HERC1: variants seen among roughly 807,000 people sequenced by gnomAD.
HERC1 encodes probable E3 ubiquitin-protein ligase HERC1.
HERC1 carries 160 observed loss-of-function variants against 554.3 expected under a neutral mutation model. That is an observed-to-expected ratio of 0.29 (90% CI 0.25 to 0.33). The LOEUF is 0.33. HERC1 is among the 10% of genes least tolerant of loss of function. The pLI is 1.00. For synonymous variants in HERC1, 2,175 were observed against 2,131.7 expected, an observed-to-expected ratio of 1.02 and a Z score of -0.56; for missense variants, 4,919 against 5,918.5, an observed-to-expected ratio of 0.83 and a Z score of 5.54.
At chr15:63,635,209 G>C (rs561996797) in intron 65 of HERC1, among the ~76,000 whole-genome samples, 10 of 152,048 alleles carry the variant, frequency 6.6e-5, no homozygotes, top group African/African-American at 2.4e-4. Flanking sequence ...TACCACACCT[G>C]GCTATTTATT....
chr15:63,632,856 A>C, intron 67 of HERC1, 45 bp from the exon 68 acceptor site: 1 of 1,352,296 alleles, frequency 7.4e-7, no homozygotes, highest in Non-Finnish European at 1.0e-6. Context: ...GAAGAAAAAA[A>C]ATCACTCTTG....
chr15:63,714,592 C>T (rs764894239), intron 22 of HERC1, among the ~76,000 whole-genome samples: 6 of 145,196 alleles, frequency 4.1e-5, no homozygotes, highest in East Asian at 2.0e-4. Context: ...CTCTGTCGCC[C>T]GGGCTGGAGT....
At chr15:63,768,934 T>C (rs917612951) in intron 2 of HERC1, among the ~76,000 whole-genome samples, 5 of 152,196 alleles carry the variant, frequency 3.3e-5, no homozygotes, top group African/African-American at 1.2e-4. Flanking sequence ...ATTATGTATA[T>C]ATATATTGAG....
At position 63,628,788 on chromosome 15, in the gene HERC1, G is replaced by C; in HGVS notation, c.12994C>G (p.Arg4332Gly). ...AGACCTGTTACCAGGGTTGGTTCTC[G>C]AACATGGTTGGTATGGCCTAAGCCG... ...QLGLGHTNHV[R>G]EPTLVTGLQG... The change falls in exon 70 of 78, where the codon CGA (arginine) becomes GGA (glycine). Residue 4332 changes from arginine to glycine, a missense_variant. Around this residue, in one of 11 missense-constraint regions of HERC1, gnomAD observed 410 missense variants for 467.0 expected, o/e 0.88. Coordinates refer to ENST00000443617, the MANE Select transcript of HERC1 (RefSeq NM_003922.4). 1 of 1,613,890 alleles carries C rather than the reference G, an allele frequency of 6.2e-7. No homozygotes were observed. The highest frequency in any genetic ancestry group is 8.5e-7 in the Non-Finnish European group (1 of 1,179,848).
chr15:63,766,137 CTTA>C (rs1165429913), intron 2 of HERC1, among the ~76,000 whole-genome samples: 3 of 151,932 alleles, frequency 2.0e-5, no homozygotes, highest in Non-Finnish European at 4.4e-5. Flanking sequence ...ATTATTAAGG[CTTA>C]TTAACTATTA....
intron 66 of HERC1, among the ~76,000 whole-genome samples, chr15:63,634,377 A>G (rs1408564158): frequency 6.6e-6 from 1 of 152,248 alleles, no homozygotes; most frequent in Non-Finnish European, 1.5e-5. Context: ...AGTAGCTACC[A>G]GTGATGTTGC....
Position 63,643,451 on chromosome 15 carries a change from G to C in HERC1, c.11284C>G (p.Leu3762Val), listed in dbSNP as rs757120736. The C allele has an allele frequency of 1.2e-6, 2 of 1,613,310 alleles. No individual in the cohort carries two copies. The highest frequency in any genetic ancestry group is 1.7e-6 in the Non-Finnish European group (2 of 1,179,670). Residue 3762 changes from leucine to valine, a missense_variant, in exon 58 of 78, where the codon CTG becomes GTG. By Grantham distance (32) the Leu-to-Val change is conservative. Coordinates refer to ENST00000443617, the MANE Select transcript of HERC1 (RefSeq NM_003922.4). ...TVAFSSDGLA[L>V]VSGGLGGLMN... Reference sequence around the variant, plus strand: ...AGCCCACCTAGTCCACCAGACACCAGGGCCAACCCATCAGAACTAAAGGCA... The same window carrying C: ...AGCCCACCTAGTCCACCAGACACCACGGCCAACCCATCAGAACTAAAGGCA...
At position 63,718,289 on chromosome 15, in the gene HERC1, C is replaced by G. The variant is rs77106746; in HGVS notation, c.3978+285G>C. 0.036 allele frequency: 10,306 copies of G among 284,236 alleles called. 246 individuals carry two copies. The highest frequency in any genetic ancestry group is 0.11 in the Middle Eastern group (101 of 888). 17.6% of individuals were successfully genotyped at this position (284,236 alleles called of 1,614,324 possible). A position where few individuals can be genotyped will look rare whatever the true frequency, so the allele number is the denominator to read the frequency against. On this transcript the variant is annotated intron_variant, in intron 21 of 77. Coordinates refer to ENST00000443617, the MANE Select transcript of HERC1 (RefSeq NM_003922.4). The surrounding 1 kb of genome is among the most constrained non-coding windows in gnomAD (Gnocchi z 4.2). Reference sequence around the variant, plus strand: ...GATAATTCAAATGTGGCCCAATCAGCACAAAGAGAGGAATAATCATTCATA... The same window carrying G: ...GATAATTCAAATGTGGCCCAATCAGGACAAAGAGAGGAATAATCATTCATA...
intron 26 of HERC1, among the ~76,000 whole-genome samples, 197 bp downstream of exon 26, chr15:63,698,531 T>C (rs1460275532): frequency 6.6e-6 from 1 of 152,118 alleles, no homozygotes; most frequent in Non-Finnish European, 1.5e-5. Flanking sequence ...AGATGACAAT[T>C]TTAAAATGCA....
intron 63 of HERC1, 138 bp from the exon 64 acceptor site, chr15:63,637,781 T>C (rs892317978): frequency 1.4e-5 from 3 of 210,056 alleles, no homozygotes; most frequent in East Asian, 9.6e-5. Flanking sequence ...AGAGTTGATA[T>C]AACTATGCAG....
chr15:63,638,674 T>C (rs1252922388), intron 62 of HERC1, 37 bp downstream of exon 62: 1 of 1,594,610 alleles, frequency 6.3e-7, no homozygotes, highest in Non-Finnish European at 8.6e-7. Context: ...AAACATTGAC[T>C]GAGAACCATC....
Position 63,623,228 on chromosome 15 carries a change from CCTGATA to C in HERC1, c.13612-343_13612-338del, listed in dbSNP as rs539445905. On this transcript the variant is annotated intron_variant, in intron 73 of 77. Transcript: ENST00000443617. Reference sequence around the variant, plus strand: ...TAGTCACAGGGTTTACTGGAAAAATCCTGATACTAGGTAATGCTGGAAAGGACAGAG... The same window carrying C: ...TAGTCACAGGGTTTACTGGAAAAATCCTAGGTAATGCTGGAAAGGACAGAG... Among the ~76,000 whole-genome samples the C allele has an allele frequency of 1.6e-3, 238 of 152,254 alleles. 1 individual carries two copies. The highest frequency in any genetic ancestry group is 5.5e-3 in the African/African-American group (229 of 41,548).
chr15:63,826,819 A>ATATATATC (rs1555454992), intron 1 of HERC1, among the ~76,000 whole-genome samples: 1 of 69,712 alleles, frequency 1.4e-5, no homozygotes, highest in East Asian at 2.4e-4. Flanking sequence ...AAAAAAATAT[A>ATATATATC]TATATATATA....
At chr15:63,615,092 G>A (rs1286168037) in intron 76 of HERC1, among the ~76,000 whole-genome samples, 2 of 152,172 alleles carry the variant, frequency 1.3e-5, no homozygotes, top group African/African-American at 2.4e-5. Context: ...GTTCATTTAC[G>A]TGGGCCCTGA....
chr15:63,690,513 A>C lies in HERC1; in HGVS notation c.5937+28T>G. ...GAATCATTTTGCAAATATGGAAAAC[A>C]TCTTCTAATAATTTTAAAAATAAAA... On this transcript the variant is annotated intron_variant, in intron 32 of 77. Transcript: ENST00000443617. 2.7e-6 allele frequency: 4 copies of C among 1,460,040 alleles called. No homozygotes were observed. In the South Asian group the frequency reaches 4.7e-5, roughly 17 times the overall value. 90.4% of individuals were successfully genotyped at this position (1,460,040 alleles called of 1,614,324 possible).
chr15:63,679,400 C>T (rs1342545857), intron 36 of HERC1, among the ~76,000 whole-genome samples: 4 of 152,030 alleles, frequency 2.6e-5, no homozygotes, highest in African/African-American at 7.2e-5. Flanking sequence ...ATATCAGGTC[C>T]AGCAATTTCA....
intron 1 of HERC1, among the ~76,000 whole-genome samples, chr15:63,823,022 T>C (rs372761986): frequency 2.6e-5 from 4 of 152,274 alleles, no homozygotes; most frequent in South Asian, 2.1e-4. Context: ...CAAATTTAGT[T>C]TGAGATGTCT....
chr15:63,794,431 T>C (rs1254041342), intron 1 of HERC1, among the ~76,000 whole-genome samples: 1 of 152,148 alleles, frequency 6.6e-6, no homozygotes, highest in African/African-American at 2.4e-5. Flanking sequence ...AACTCAATCT[T>C]TGGCCCTTCT....
chr15:63,747,161 T>C (rs921898331), intron 11 of HERC1, 78 bp from the exon 12 acceptor site: 125 of 1,390,922 alleles, frequency 9.0e-5, no homozygotes, highest in Middle Eastern at 1.8e-4. Flanking sequence ...CATTTTTATA[T>C]CTTTAAAAAT....
Sources: gnomAD v4.1 joint callset for allele counts (sites outside exome capture counted in the v4.1 genomes callset) on GRCh38, gnomAD v4.1.1 for gene constraint, gnomAD v4.1.1 regional missense constraint, Gnocchi (gnomAD v3.1) non-coding constraint, MANE v1.5 for transcripts, NCBI Gene and HGNC (gene_info 2026-07-23, HGNC 2026-07-21) for gene names.